EGFLAM: variants seen among roughly 807,000 people sequenced by gnomAD.
EGFLAM encodes EGF like, fibronectin type III and laminin G domains, also known as pikachurin.
A neutral mutation model predicts 113.1 loss-of-function variants in EGFLAM; 79 were observed. The observed-to-expected ratio is 0.70, with a 90% CI of 0.58 to 0.84. The LOEUF (loss-of-function observed/expected upper bound fraction) is 0.84. Ranked by LOEUF, EGFLAM falls within the 40% of genes least tolerant of loss-of-function variation. The probability of loss-of-function intolerance (pLI) is 0.00; values close to 1 mark genes in which losing one functional copy is unlikely to be tolerated. For synonymous variants in EGFLAM, 504 were observed against 487.6 expected (o/e 1.03, Z -0.44); for missense variants, 1,265 against 1,291.6 (o/e 0.98, Z 0.32).
intron 18 of EGFLAM, among the ~76,000 whole-genome samples, chr5:38,450,338 C>T (rs1019852967): frequency 1.2e-4 from 19 of 152,294 alleles, no homozygotes; most frequent in African/African-American, 4.6e-4. Context: ...TTCTGAGGCC[C>T]TGCATGGGAA....
chr5:38,372,743 C>T (rs1740258070), intron 6 of EGFLAM, among the ~76,000 whole-genome samples: 1 of 152,128 alleles, frequency 6.6e-6, no homozygotes, highest in Non-Finnish European at 1.5e-5. Context: ...TCTAGGTATA[C>T]ACAGTTACTC....
intron 6 of EGFLAM, among the ~76,000 whole-genome samples, chr5:38,371,814 T>G (rs969864630): frequency 4.6e-5 from 7 of 152,204 alleles, no homozygotes; most frequent in Admixed American, 2.0e-4. Context: ...AAGGAAGGCC[T>G]TGTTTGATTA....
chr5:38,314,039 A>G (rs1738526114), intron 1 of EGFLAM, among the ~76,000 whole-genome samples: 1 of 152,260 alleles, frequency 6.6e-6, no homozygotes, highest in African/African-American at 2.4e-5. Flanking sequence ...TCTATTAAGA[A>G]AAACTTAAAA....
intron 1 of EGFLAM, among the ~76,000 whole-genome samples, chr5:38,312,520 G>T (rs554221930): frequency 1.3e-5 from 2 of 152,256 alleles, no homozygotes; most frequent in Admixed American, 6.5e-5. Context: ...GATTACAGGC[G>T]TGAGCCACCG....
intron 17 of EGFLAM, chr5:38,445,386 C>A: frequency 1.0e-6 from 1 of 1,001,470 alleles, no homozygotes; most frequent in African/African-American, 1.6e-5. Context: ...TCAGAAGTGT[C>A]AGACAGCTGA....
rs146790132 is a variant in EGFLAM at position 38,283,731 on chromosome 5, T to C, written c.97+24880T>C. On this transcript the variant is annotated intron_variant, in intron 1 of 21. Transcript: ENST00000322350. ...CCACCACCTCTCTGACTCCATGGGA[T>C]AGGCAGAAGAAACACGTATGTAGTG... is the stretch of plus-strand genomic sequence containing the variant. 3.5e-3 allele frequency among the ~76,000 whole-genome samples: 532 copies of C among 152,320 alleles called. 9 individuals carry two copies. The South Asian group carries it at 0.045, about 13-fold the overall frequency.
intron 1 of EGFLAM, among the ~76,000 whole-genome samples, chr5:38,287,742 A>G (rs943859093): frequency 2.6e-5 from 4 of 152,234 alleles, no homozygotes. Flanking sequence ...ACTCCCAACC[A>G]GTCAGAAGGA....
intron 2 of EGFLAM, 66 bp from the exon 3 acceptor site, chr5:38,338,632 A>G (rs958520041): frequency 2.3e-5 from 34 of 1,502,982 alleles, no homozygotes; most frequent in African/African-American, 1.5e-4. Flanking sequence ...TGTGAGTGCA[A>G]TTACAACCTT....
intron 10 of EGFLAM, among the ~76,000 whole-genome samples, chr5:38,409,956 C>A (rs1244073233): frequency 1.3e-5 from 2 of 152,136 alleles, no homozygotes; most frequent in Non-Finnish European, 2.9e-5. Flanking sequence ...CGGGCACCAG[C>A]CTTGTCCTTC....
chr5:38,296,960 G>C (rs1324546166), intron 1 of EGFLAM, among the ~76,000 whole-genome samples: 1 of 151,972 alleles, frequency 6.6e-6, no homozygotes, highest in Admixed American at 6.5e-5. Flanking sequence ...AACCCAAATT[G>C]AGGGATATTT....
rs56221321 is a variant in EGFLAM, at chr5:38,412,676, C to T, written c.1494+28C>T. ...ATGTATGAGCCCCACACCCTGCCCACCCCACATACCACCCACCATAAGTCT... is the reference window on the plus strand; with the variant it reads ...ATGTATGAGCCCCACACCCTGCCCATCCCACATACCACCCACCATAAGTCT... On this transcript the variant is annotated intron_variant, in intron 11 of 21. Coordinates refer to ENST00000322350, the MANE Select transcript of EGFLAM (RefSeq NM_152403.4). 7.1e-4 allele frequency: 1,147 copies of T among 1,608,112 alleles called. 3 individuals carry two copies. The African/African-American group carries it at 0.013, about 18-fold the overall frequency.
At chr5:38,457,340 G>T (rs1326162775) in intron 19 of EGFLAM, among the ~76,000 whole-genome samples, 1 of 152,178 alleles carries the variant, frequency 6.6e-6, no homozygotes, top group Non-Finnish European at 1.5e-5. Flanking sequence ...AGTTCTGAAG[G>T]CTAGAAATCC....
intron 6 of EGFLAM, among the ~76,000 whole-genome samples, chr5:38,391,927 C>T (rs1740823409): frequency 1.3e-5 from 2 of 151,428 alleles, no homozygotes; most frequent in South Asian, 4.2e-4. Flanking sequence ...CAGGCGCCCA[C>T]CACCACACTC....
At position 38,258,768 on chromosome 5, in the gene EGFLAM, G is replaced by A. The variant is rs371610360; in HGVS notation, c.14G>A (p.Arg5Gln). 30 of 1,611,100 alleles carry A rather than the reference G, an allele frequency of 1.9e-5. No homozygotes were observed. The East Asian group carries it at 5.8e-4, about 31-fold the overall frequency. ...GCCGGCTGCGAAATGGATTTAATCC[G>A]AGGCGTCTTGCTCCGGCTCCTGCTC... MDLI[R>Q]GVLLRLLLLA... The change falls in exon 1 of 22, where the codon CGA becomes CAA. Residue 5 changes from arginine to glutamine, a missense_variant. Physicochemically the swap from Arg to Gln is conservative, Grantham distance 43 (BLOSUM62 1). Coordinates refer to ENST00000322350, the MANE Select transcript of EGFLAM (RefSeq NM_152403.4).
chr5:38,375,622 CCTATTAATGCCAGACA>C (rs1172686884), intron 6 of EGFLAM, among the ~76,000 whole-genome samples: 3 of 152,148 alleles, frequency 2.0e-5, no homozygotes, highest in Non-Finnish European at 2.9e-5. Flanking sequence ...TCCCACTGGG[CCTATTAATGCCAGACA>C]CTATTAGCAA....
Position 38,350,449 on chromosome 5 carries a change from G to T in EGFLAM, c.292-52G>T, listed in dbSNP as rs186924641. On this transcript the variant is annotated intron_variant, in intron 3 of 21. Transcript: ENST00000322350. ...AAACCTCATGGAAATTGTACAATTT[G>T]CCCAAACAGATGTACTGATTGTTAG... is the stretch of plus-strand genomic sequence containing the variant. 212 of 1,544,390 alleles carry T rather than the reference G, an allele frequency of 1.4e-4. 2 individuals are homozygous for T. In the Admixed American group the frequency reaches 3.6e-3, roughly 26 times the overall value.
chr5:38,439,975 G>A (rs978398788), intron 17 of EGFLAM, among the ~76,000 whole-genome samples: 9 of 152,250 alleles, frequency 5.9e-5, no homozygotes, highest in Admixed American at 2.0e-4. Flanking sequence ...AAAGGATAAT[G>A]TGTGATCTTG....
Position 38,258,612 on chromosome 5 carries a change from T to G in EGFLAM, c.-143T>G, listed in dbSNP as rs191471481. The G allele has an allele frequency of 1.1e-4, 98 of 925,512 alleles. No individual in the cohort carries two copies. In the East Asian group the frequency reaches 2.4e-3, roughly 23 times the overall value. 57.3% of individuals were successfully genotyped at this position (925,512 alleles called of 1,614,324 possible). A position where few individuals can be genotyped will look rare whatever the true frequency, so the allele number is the denominator to read the frequency against. On this transcript the variant is annotated 5_prime_UTR_variant, in exon 1 of 22. Transcript: ENST00000322350. ...GTCCTACCTCTTGGAACTACCCGTG[T>G]TTCCGGGCCCAGCCCTCGCAGCCCC...
At chr5:38,347,589 A>C (rs1739507125) in intron 3 of EGFLAM, among the ~76,000 whole-genome samples, 1 of 152,104 alleles carries the variant, frequency 6.6e-6, no homozygotes, top group African/African-American at 2.4e-5. Flanking sequence ...AGGACATTTC[A>C]TGTAGAGGGA....
Sources: gnomAD v4.1 joint callset for allele counts (sites outside exome capture counted in the v4.1 genomes callset) on GRCh38, gnomAD v4.1.1 for gene constraint, MANE v1.5 for transcripts, NCBI Gene and HGNC (gene_info 2026-07-23, HGNC 2026-07-21) for gene names.